PPFIBP2: variants seen among roughly 807,000 people sequenced by gnomAD.
The protein encoded by PPFIBP2 is PPFIB scaffold protein 2.
Under a neutral mutation model 118.3 loss-of-function variants are expected in PPFIBP2, and 118 were observed. The observed-to-expected ratio is 1.00, with a 90% confidence interval of 0.86 to 1.16. PPFIBP2 has a LOEUF of 1.16. PPFIBP2 is among the 50% of genes most tolerant of loss of function. The pLI, the probability that PPFIBP2 is intolerant of heterozygous loss-of-function variation, is 0.00. For missense variants in PPFIBP2, 1,195 were observed against 1,073.1 expected, an observed-to-expected ratio of 1.11 and a Z score of -1.59; for synonymous variants, 414 against 397.4, an observed-to-expected ratio of 1.04 and a Z score of -0.50.
chr11:7,561,961 A>G (rs1182162867), intron 2 of PPFIBP2, among the ~76,000 whole-genome samples: 1 of 152,224 alleles, frequency 6.6e-6, no homozygotes, highest in Admixed American at 6.5e-5. Flanking sequence ...CAGTTTTTCC[A>G]TGGACCTGGG....
chr11:7,634,551 AG>A lies in PPFIBP2; in HGVS notation c.1194+1del. On this transcript the variant is annotated frameshift_variant and splice_region_variant, in exon 13 of 24. Coordinates refer to ENST00000299492, the MANE Select transcript of PPFIBP2 (RefSeq NM_003621.5). LOFTEE classifies it high-confidence loss of function. ...LEDLRSESVD[K>X]CMDGNQPFPV... is the part of the protein sequence containing the mutation. The stretch of plus-strand genomic sequence containing the variant: ...GACTTGAGAAGTGAATCTGTGGATA[AG>A]GTCGGCTCATCAACCTATCCTTAAA... 6.2e-7 allele frequency: 1 copy of A among 1,612,236 alleles called. No individual in the cohort carries two copies. The highest frequency in any genetic ancestry group is 8.5e-7 in the Non-Finnish European group (1 of 1,178,322).
At position 7,650,818 on chromosome 11, in the gene PPFIBP2, ACT is replaced by A; in HGVS notation, c.2122-18_2122-17del. The A allele has an allele frequency of 6.2e-7, 1 of 1,611,148 alleles. No homozygotes were observed. The highest frequency in any genetic ancestry group is 8.5e-7 in the Non-Finnish European group (1 of 1,178,144). ...GGGACCTATTAAGCCTAACTTCCTC[ACT>A]CTCCTTCTCCCTCTGACAGAGTAAC... On this transcript the variant is annotated intron_variant, in intron 21 of 23. Transcript: ENST00000299492.
At chr11:7,558,620 G>A (rs1853924896) in intron 2 of PPFIBP2, among the ~76,000 whole-genome samples, 2 of 152,106 alleles carry the variant, frequency 1.3e-5, no homozygotes, top group African/African-American at 4.8e-5. Flanking sequence ...GCCAGGCGTG[G>A]TGGCGCGTGC....
At chr11:7,563,398 A>G (rs1488069526) in intron 2 of PPFIBP2, among the ~76,000 whole-genome samples, 1 of 152,196 alleles carries the variant, frequency 6.6e-6, no homozygotes, top group Non-Finnish European at 1.5e-5. Context: ...CACACATCAC[A>G]GTGGTGGGTA....
intron 1 of PPFIBP2, among the ~76,000 whole-genome samples, chr11:7,530,521 T>C (rs1850596655): frequency 6.6e-6 from 1 of 152,188 alleles, no homozygotes. Context: ...CCCAGAGAAC[T>C]AGCTGGTTTC....
chr11:7,540,417 G>T (rs942857324), intron 1 of PPFIBP2, among the ~76,000 whole-genome samples: 1 of 152,142 alleles, frequency 6.6e-6, no homozygotes, highest in Non-Finnish European at 1.5e-5. Flanking sequence ...CAAAAGGGAA[G>T]GTCCAAGGCT....
the PPFIBP2 span, among the ~76,000 whole-genome samples, chr11:7,664,292 G>C: frequency 6.6e-6 from 1 of 152,140 alleles, no homozygotes; most frequent in Non-Finnish European, 1.5e-5. Context: ...GAGAGGAAGG[G>C]CATTCCAGGT....
intron 5 of PPFIBP2, among the ~76,000 whole-genome samples, chr11:7,600,655 C>A (rs376369432): frequency 6.6e-6 from 1 of 152,218 alleles, no homozygotes; most frequent in Non-Finnish European, 1.5e-5. Flanking sequence ...TTCACTGTCT[C>A]AGTGTGCGCC....
At chr11:7,627,105 A>C (rs1221314153) in intron 8 of PPFIBP2, among the ~76,000 whole-genome samples, 1 of 151,560 alleles carries the variant, frequency 6.6e-6, no homozygotes, top group East Asian at 1.9e-4. Context: ...TTCCCAGTCT[A>C]CCCCTCCTCT....
intron 1 of PPFIBP2, among the ~76,000 whole-genome samples, chr11:7,518,450 G>A (rs779192080): frequency 6.6e-6 from 1 of 152,138 alleles, no homozygotes; most frequent in Admixed American, 6.5e-5. Context: ...ACATAATCGT[G>A]TGGTCTCGAT....
At chr11:7,542,501 A>G (rs537268978) in intron 1 of PPFIBP2, among the ~76,000 whole-genome samples, 10 of 152,194 alleles carry the variant, frequency 6.6e-5, no homozygotes, top group African/African-American at 2.2e-4. Flanking sequence ...TCCCCACCCC[A>G]TTGTTCTTCC....
intron 4 of PPFIBP2, among the ~76,000 whole-genome samples, chr11:7,593,508 A>G (rs1859731839): frequency 6.6e-6 from 1 of 152,184 alleles, no homozygotes; most frequent in Non-Finnish European, 1.5e-5. Context: ...GCTGATTTCC[A>G]GGTGCTAAGA....
chr11:7,611,198 A>G (rs1176723127), intron 6 of PPFIBP2, among the ~76,000 whole-genome samples: 2 of 152,234 alleles, frequency 1.3e-5, no homozygotes, highest in Non-Finnish European at 2.9e-5. Flanking sequence ...ATGAACTTCA[A>G]GCTGGCTACT....
At chr11:7,602,878 G>C (rs12272208) in intron 5 of PPFIBP2, among the ~76,000 whole-genome samples, 25,732 of 152,164 alleles carry the variant, frequency 0.17, 3,500 homozygotes, top group African/African-American at 0.38. Context: ...ATTGATCTGG[G>C]AAAGTCAGTG....
Position 7,600,634 on chromosome 11 carries a change from A to G in PPFIBP2, c.486+2961A>G, listed in dbSNP as rs147495405. ...GCGAGCCTGCTGCTCAAAGCCTCTGAAGGAAATCCTTTCACTGTCTCAGTG... is the reference window on the plus strand; with the variant it reads ...GCGAGCCTGCTGCTCAAAGCCTCTGGAGGAAATCCTTTCACTGTCTCAGTG... On this transcript the variant is annotated intron_variant, in intron 5 of 23. Coordinates refer to ENST00000299492, the MANE Select transcript of PPFIBP2 (RefSeq NM_003621.5). Among the ~76,000 whole-genome samples, 372 of 152,270 alleles carry G rather than the reference A, an allele frequency of 2.4e-3. 1 individual carries two copies. Among genetic ancestry groups the G allele is most frequent in the African/African-American group, 8.5e-3 (355 of 41,556 alleles).
intron 1 of PPFIBP2, among the ~76,000 whole-genome samples, chr11:7,547,276 G>A (rs1852428522): frequency 6.6e-6 from 1 of 152,186 alleles, no homozygotes; most frequent in Non-Finnish European, 1.5e-5. Flanking sequence ...GTAGGGGGAT[G>A]GCAGGCGTAT....
rs78313937 is a variant in PPFIBP2 at position 7,616,991 on chromosome 11, C to G, written c.619-3944C>G. ...AGTGGAGGGCCGTCGACAGTGACCA[C>G]TGAGTGCCACCTGCTCCCTGCCCCA... On this transcript the variant is annotated intron_variant, in intron 6 of 23. Transcript: ENST00000299492. This position sits in a 1 kb window ranked among gnomAD's most constrained non-coding sequence, Gnocchi z 5.2. 3.2e-4 allele frequency: 123 copies of G among 381,902 alleles called. No homozygotes were observed. Among genetic ancestry groups the G allele is most frequent in the African/African-American group, 2.5e-3 (115 of 45,696 alleles). 23.7% of individuals were successfully genotyped at this position (381,902 alleles called of 1,614,324 possible).
intron 7 of PPFIBP2, among the ~76,000 whole-genome samples, chr11:7,622,936 G>T (rs555703145): frequency 5.9e-5 from 9 of 152,334 alleles, no homozygotes; most frequent in African/African-American, 2.2e-4. Context: ...GATGCTAAGG[G>T]TTATTTAATA....
chr11:7,662,592 G>A, the PPFIBP2 span, among the ~76,000 whole-genome samples: 15,006 of 146,222 alleles, frequency 0.1, 985 homozygotes, highest in East Asian at 0.35. Context: ...TTTTTCCTTC[G>A]TTTCAACTTT....
Sources: allele counts gnomAD v4.1 joint callset (sites outside exome capture counted in the v4.1 genomes callset), GRCh38; gene constraint gnomAD v4.1.1; non-coding constraint Gnocchi (gnomAD v3.1); transcripts MANE v1.5; gene names NCBI Gene and HGNC (gene_info 2026-07-23, HGNC 2026-07-21).